Variants in ARL15 observed in about 807,000 individuals in gnomAD.
ARL15 encodes ADP-ribosylation factor-like protein 15.
ARL15 carries 19 observed loss-of-function variants against 25.2 expected under a neutral mutation model. The observed-to-expected ratio is 0.75, with a 90% confidence interval of 0.53 to 1.10. The LOEUF is 1.10. ARL15 is among the 50% of genes least tolerant of loss of function. The pLI, the probability that ARL15 is intolerant of heterozygous loss-of-function variation, is 0.00. For synonymous variants in ARL15, 94 were observed against 86.8 expected (o/e 1.08, Z -0.46); for missense variants, 220 against 246.0 (o/e 0.89, Z 0.71).
intron 1 of ARL15, among the ~76,000 whole-genome samples, chr5:54,299,485 A>G (rs1430661837): frequency 6.6e-6 from 1 of 152,146 alleles, no homozygotes; most frequent in East Asian, 1.9e-4. Context: ...GATAATAGTA[A>G]ATGTATAGCA....
rs749900052 is a variant in ARL15 at position 53,886,715 on chromosome 5, T to TCTTGTACTGAGCGAGC, written c.463-3_463-2insGCTCGCTCAGTACAAG. On this transcript the variant is annotated splice_region_variant and splice_polypyrimidine_tract_variant and intron_variant, in intron 4 of 4. Transcript: ENST00000504924. Reference sequence around the variant, plus strand: ...TTCAAGTTCAAAATATTTTTTGATCTTAAGAGGAAAAAATAAAGATAAATA... The same window carrying TCTTGTACTGAGCGAGC: ...TTCAAGTTCAAAATATTTTTTGATCTCTTGTACTGAGCGAGCTAAGAGGAAAAAATAAAGATAAATA... 6.5e-7 allele frequency: 1 copy of TCTTGTACTGAGCGAGC among 1,542,436 alleles called. No individual in the cohort carries two copies. The highest frequency in any genetic ancestry group is 2.1e-5 in the Admixed American group (1 of 47,020).
intron 4 of ARL15, among the ~76,000 whole-genome samples, chr5:54,000,050 ATT>A (rs1485521163): frequency 6.6e-6 from 1 of 152,210 alleles, no homozygotes; most frequent in Admixed American, 6.5e-5. Flanking sequence ...TCATATCTAT[ATT>A]GAGTCCATGA....
chr5:54,164,841 G>A (rs202981), intron 2 of ARL15, among the ~76,000 whole-genome samples: 62,979 of 151,648 alleles, frequency 0.42, 13,630 homozygotes, highest in East Asian at 0.82. Context: ...TAATTAAGGA[G>A]TCTAGATCAT....
intron 4 of ARL15, among the ~76,000 whole-genome samples, chr5:54,034,019 T>C (rs1463921106): frequency 6.6e-6 from 1 of 152,116 alleles, no homozygotes; most frequent in East Asian, 1.9e-4. Flanking sequence ...TTCACCGTGT[T>C]AGCCAGGATG....
At chr5:54,077,889 TG>T (rs1161336918) in intron 4 of ARL15, among the ~76,000 whole-genome samples, 1 of 152,172 alleles carries the variant, frequency 6.6e-6, no homozygotes, top group African/African-American at 2.4e-5. Context: ...AACACTCTGG[TG>T]GATTCTGGGA....
chr5:54,227,240 C>T (rs1034057697), intron 1 of ARL15, among the ~76,000 whole-genome samples: 2 of 152,176 alleles, frequency 1.3e-5, no homozygotes, highest in Admixed American at 6.5e-5. Context: ...TCACCTTCTC[C>T]CTTCACACAC....
At chr5:54,013,523 A>T (rs1458174686) in intron 4 of ARL15, among the ~76,000 whole-genome samples, 1 of 152,218 alleles carries the variant, frequency 6.6e-6, no homozygotes, top group Non-Finnish European at 1.5e-5. Context: ...AAAAGCCACA[A>T]GATTAGAATT....
intron 4 of ARL15, among the ~76,000 whole-genome samples, chr5:53,934,195 C>A (rs1043614189): frequency 6.6e-6 from 1 of 152,088 alleles, no homozygotes; most frequent in Non-Finnish European, 1.5e-5. Context: ...TTATTCGTTA[C>A]AACAGAATAT....
At chr5:54,116,786 A>G (rs1752911987) in intron 3 of ARL15, among the ~76,000 whole-genome samples, 2 of 152,228 alleles carry the variant, frequency 1.3e-5, no homozygotes, top group South Asian at 4.1e-4. Flanking sequence ...ACCAAAACAC[A>G]AAACGATTAT....
chr5:54,276,373 G>C (rs1757930298), intron 1 of ARL15, among the ~76,000 whole-genome samples: 1 of 152,100 alleles, frequency 6.6e-6, no homozygotes, highest in African/African-American at 2.4e-5. Context: ...TCTTTAATTT[G>C]TTGCTAGAAC....
intron 4 of ARL15, among the ~76,000 whole-genome samples, chr5:53,946,527 C>T (rs1746740521): frequency 7.6e-6 from 1 of 131,512 alleles, no homozygotes; most frequent in South Asian, 2.8e-4. Flanking sequence ...ATGGAATAAA[C>T]TTAAAATCGC....
intron 1 of ARL15, among the ~76,000 whole-genome samples, chr5:54,201,006 G>A (rs1288992916): frequency 3.3e-5 from 5 of 151,478 alleles, no homozygotes; most frequent in African/African-American, 7.3e-5. Flanking sequence ...CAACACCTAC[G>A]CCCTTTGTCT....
At chr5:54,206,497 G>A (rs551741171) in intron 1 of ARL15, among the ~76,000 whole-genome samples, 29 of 152,154 alleles carry the variant, frequency 1.9e-4, no homozygotes, top group Non-Finnish European at 3.2e-4. Context: ...ATTGTATACC[G>A]TTATACTTCA....
At chr5:53,993,164 G>A (rs993405006) in intron 4 of ARL15, among the ~76,000 whole-genome samples, 8 of 152,082 alleles carry the variant, frequency 5.3e-5, no homozygotes, top group Admixed American at 3.3e-4. Flanking sequence ...ACACATTTTC[G>A]TCTAGGAAAC....
intron 4 of ARL15, among the ~76,000 whole-genome samples, chr5:54,091,720 T>C (rs1473013662): frequency 2.0e-5 from 3 of 151,926 alleles, no homozygotes; most frequent in African/African-American, 7.3e-5. Context: ...CACAGACCTT[T>C]GGAGCATTTC....
intron 4 of ARL15, among the ~76,000 whole-genome samples, chr5:53,897,500 C>T (rs1331978251): frequency 6.6e-6 from 1 of 152,116 alleles, no homozygotes; most frequent in Non-Finnish European, 1.5e-5. Flanking sequence ...TGGTCGGGTT[C>T]TACTTTTTGG....
intron 4 of ARL15, among the ~76,000 whole-genome samples, chr5:53,923,293 T>C (rs1465434239): frequency 6.6e-6 from 1 of 151,826 alleles, no homozygotes; most frequent in East Asian, 1.9e-4. Flanking sequence ...AACACAAGTT[T>C]GTATTTGTGG....
At chr5:54,175,734 C>A (rs932396345) in intron 1 of ARL15, among the ~76,000 whole-genome samples, 1 of 151,544 alleles carries the variant, frequency 6.6e-6, no homozygotes, top group African/African-American at 2.4e-5. Context: ...CTCACTGCAA[C>A]CTCCAAATCC....
intron 4 of ARL15, among the ~76,000 whole-genome samples, chr5:53,935,914 A>G (rs1388554632): frequency 6.6e-6 from 1 of 151,978 alleles, no homozygotes; most frequent in Non-Finnish European, 1.5e-5. Context: ...ACACCCAGCT[A>G]ATTTTTGTAA....
Sources: gnomAD v4.1 joint callset for allele counts (sites outside exome capture counted in the v4.1 genomes callset) on GRCh38, gnomAD v4.1.1 for gene constraint, MANE v1.5 for transcripts, NCBI Gene and HGNC (gene_info 2026-07-23, HGNC 2026-07-21) for gene names.